LIAS: variants seen among roughly 807,000 people sequenced by gnomAD.
LIAS encodes the protein lipoic acid synthetase, also known as lipoyl synthase, mitochondrial.
In LIAS, 36 loss-of-function variants were observed where a neutral mutation model predicts 49.4. The ratio of observed to expected loss-of-function variants is 0.73; its 90% confidence interval spans 0.56 to 0.96. The LOEUF (loss-of-function observed/expected upper bound fraction) is 0.96, where lower values mean the gene tolerates loss of function less well. Among genes scored for constraint, LIAS ranks in the 40% least tolerant of loss-of-function variants. LIAS has a pLI of 0.00. For missense variants in LIAS, 399 were observed against 456.3 expected, an observed-to-expected ratio of 0.87 and a Z score of 1.14; for synonymous variants, 145 against 155.8, an observed-to-expected ratio of 0.93 and a Z score of 0.52.
At chr4:39,461,053 A>C (rs1744475695) in intron 2 of LIAS, 91 bp downstream of exon 2, 1 of 1,068,876 alleles carries the variant, frequency 9.4e-7, no homozygotes. Context: ...TGTTTTTAAT[A>C]TCAGACTTGT....
At chr4:39,468,502 A>AAAATATATATATAT (rs140159831) in intron 7 of LIAS, 5 of 125,184 alleles carry the variant, frequency 4.0e-5, no homozygotes, top group African/African-American at 1.5e-4. Flanking sequence ...GGAAAAAAAA[A>AAAATATATATATAT]ATATATATAT....
Position 39,465,029 on chromosome 4 carries a change from T to G in LIAS, c.394-17T>G. 6.2e-7 allele frequency: 1 copy of G among 1,600,908 alleles called. No individual in the cohort carries two copies. The highest frequency in any genetic ancestry group is 2.2e-5 in the East Asian group (1 of 44,754). On this transcript the variant is annotated splice_polypyrimidine_tract_variant and intron_variant, in intron 4 of 10. Coordinates refer to ENST00000640888, the MANE Select transcript of LIAS (RefSeq NM_006859.4). ...TCATCTGTCTATTTCATTTAAATTG[T>G]AACATTTCTATTCTAGTTGATGGGT... is the stretch of plus-strand genomic sequence containing the variant.
chr4:39,465,396 TAA>T (rs1744719663), intron 6 of LIAS, 54 bp downstream of exon 6: 1 of 1,443,698 alleles, frequency 6.9e-7, no homozygotes. Flanking sequence ...CCATATGAGT[TAA>T]GTTTAAGTTC....
In LIAS at chr4:39,473,307, C is replaced by A. The variant is rs1043812353; in HGVS notation, c.1066+96C>A. The A allele has an allele frequency of 7.9e-6, 6 of 759,204 alleles. No individual in the cohort carries two copies. In the Admixed American group the frequency reaches 1.1e-4, roughly 14 times the overall value. 47.0% of individuals were successfully genotyped at this position (759,204 alleles called of 1,614,324 possible). A position where few individuals can be genotyped will look rare whatever the true frequency, so the allele number is the denominator to read the frequency against. On this transcript the variant is annotated intron_variant, in intron 10 of 10. Transcript: ENST00000640888. ...CTAAAACTCTTGACAAATTCTAATA[C>A]CTTTGGTGGTCTTGGTAGAGGGCGT...
chr4:39,468,206 G>GCTGTGGCTCACGCCTGT (rs1744832076), intron 7 of LIAS: 1 of 152,040 alleles, frequency 6.6e-6, no homozygotes, highest in African/African-American at 2.4e-5. Flanking sequence ...TTGGCTGGAT[G>GCTGTGGCTCACGCCTGT]CTGTGGCTCA....
chr4:39,463,817 T>C, intron 4 of LIAS: 1 of 1,013,870 alleles, frequency 9.9e-7, no homozygotes, highest in Non-Finnish European at 1.3e-6. Flanking sequence ...TTCTTTCATT[T>C]ATGTGATAGT....
chr4:39,477,390 G>A lies in LIAS; in HGVS notation c.*275G>A, dbSNP rs906231982. ...CTAAAAACACAAAAATTAGTCAGGC[G>A]TGGTAGTGGGTGCCTGTAATCCCAG... On this transcript the variant is annotated 3_prime_UTR_variant, in exon 11 of 11. Coordinates refer to ENST00000640888, the MANE Select transcript of LIAS (RefSeq NM_006859.4). 6 of 287,700 alleles carry A rather than the reference G, an allele frequency of 2.1e-5. No individual in the cohort carries two copies. Among genetic ancestry groups the A allele is most frequent in the Admixed American group, 5.8e-5 (1 of 17,152 alleles). The allele number at this position is 287,700 out of a possible 1,614,324, so 17.8% of individuals were successfully genotyped here.
intron 2 of LIAS, among the ~76,000 whole-genome samples, chr4:39,461,840 G>A (rs1333355682): frequency 6.6e-6 from 1 of 152,056 alleles, no homozygotes; most frequent in African/African-American, 2.4e-5. Context: ...GACTACAGGC[G>A]CCTGCCACCA....
chr4:39,467,642 C>A lies in LIAS; in HGVS notation c.733C>A (p.Gln245Lys). Residue 245 changes from glutamine (Q) to lysine (K), a missense_variant, in exon 7 of 11, where the codon CAG becomes AAG. By Grantham distance (53) the Gln-to-Lys change is moderately conservative (BLOSUM62 1). Transcript: ENST00000640888. The part of the protein sequence containing the change: ...AHNVETVPEL[Q>K]SKVRDPRANF... ...TAATGTAGAAACAGTCCCGGAATTACAGAGGTGAATACGTGTACAAAGTAA... is the reference window on the plus strand; with the variant it reads ...TAATGTAGAAACAGTCCCGGAATTAAAGAGGTGAATACGTGTACAAAGTAA... 6.3e-7 allele frequency: 1 copy of A among 1,577,758 alleles called. No individual in the cohort carries two copies. The highest frequency in any genetic ancestry group is 8.6e-7 in the Non-Finnish European group (1 of 1,160,480).
chr4:39,471,114 C>T (rs1037550624), intron 8 of LIAS, 122 bp from the exon 9 acceptor site: 1 of 682,560 alleles, frequency 1.5e-6, no homozygotes, highest in African/African-American at 1.8e-5. Context: ...GTCTTATTCC[C>T]CAACATGAAG....
At chr4:39,463,328 C>T (rs576697197) in intron 3 of LIAS, among the ~76,000 whole-genome samples, 197 bp from the exon 4 acceptor site, 1 of 152,278 alleles carries the variant, frequency 6.6e-6, no homozygotes, top group South Asian at 2.1e-4. Flanking sequence ...AAGCAATCCT[C>T]CTGCCTCAGC....
intron 3 of LIAS, 54 bp from the exon 4 acceptor site, chr4:39,463,471 T>C: frequency 1.3e-6 from 2 of 1,491,160 alleles, no homozygotes; most frequent in South Asian, 2.7e-5. Flanking sequence ...TCACCAACTG[T>C]TTAGTTGGTG....
At chr4:39,462,492 C>T (rs961377408) in intron 3 of LIAS, among the ~76,000 whole-genome samples, 2 of 152,022 alleles carry the variant, frequency 1.3e-5, no homozygotes, top group African/African-American at 4.8e-5. Context: ...AGTTTGGAAA[C>T]AAGGCTTTGT....
chr4:39,459,882 C>A (rs1744364126), intron 1 of LIAS, among the ~76,000 whole-genome samples: 1 of 152,000 alleles, frequency 6.6e-6, no homozygotes, highest in African/African-American at 2.4e-5. Flanking sequence ...ATCGCTTGAA[C>A]CCGCGAGGCG....
Position 39,478,767 on chromosome 4 carries a change from A to G in LIAS, c.*1652A>G, listed in dbSNP as rs1745294504. The G allele has an allele frequency of 6.6e-6, 1 of 152,204 alleles. No homozygotes were observed. The highest frequency in any genetic ancestry group is 2.1e-4 in the South Asian group (1 of 4,830). The allele number at this position is 152,204 out of a possible 1,614,324, so 9.4% of individuals were successfully genotyped here. A position where few individuals can be genotyped will look rare whatever the true frequency, so the allele number is the denominator to read the frequency against. On this transcript the variant is annotated 3_prime_UTR_variant, in exon 11 of 11. Transcript: ENST00000640888. ...GGAATTTCCTTCCAAAATACTAATA[A>G]CTCAGATTCATCTTTTGACTGAATC...
intron 10 of LIAS, chr4:39,476,761 C>A: frequency 4.0e-6 from 1 of 248,624 alleles, no homozygotes; most frequent in African/African-American, 2.3e-5. Flanking sequence ...ATAGATAGTG[C>A]ACATAAAGTA....
intron 9 of LIAS, among the ~76,000 whole-genome samples, chr4:39,472,896 T>C (rs1157598339): frequency 6.6e-6 from 1 of 152,182 alleles, no homozygotes; most frequent in Non-Finnish European, 1.5e-5. Flanking sequence ...CCTGTCTCTG[T>C]AATTCCCTGT....
chr4:39,459,183 G>C (rs1744303198), intron 1 of LIAS, 21 bp downstream of exon 1: 1 of 1,609,142 alleles, frequency 6.2e-7, no homozygotes, highest in African/African-American at 1.3e-5. Context: ...GGGCGAACGG[G>C]TTTGGGCGTG....
intron 6 of LIAS, among the ~76,000 whole-genome samples, chr4:39,465,858 C>T (rs1007604538): frequency 1.3e-5 from 2 of 152,116 alleles, no homozygotes; most frequent in African/African-American, 4.8e-5. Flanking sequence ...AGGGTTTGAC[C>T]ATGTTGGCCA....
Sources: gnomAD v4.1 joint callset for allele counts (sites outside exome capture counted in the v4.1 genomes callset) on GRCh38, gnomAD v4.1.1 for gene constraint, MANE v1.5 for transcripts, NCBI Gene and HGNC (gene_info 2026-07-23, HGNC 2026-07-21) for gene names.